ZFYVE28: variants seen among roughly 807,000 people sequenced by gnomAD.
ZFYVE28 encodes the protein lateral signaling target protein 2 homolog.
In ZFYVE28, 40 loss-of-function variants were observed where a neutral mutation model predicts 82.1. The observed-to-expected ratio is 0.49, with a 90% CI of 0.38 to 0.63. The LOEUF (loss-of-function observed/expected upper bound fraction) is 0.63. Among genes scored for constraint, ZFYVE28 ranks in the 30% least tolerant of loss-of-function variants. ZFYVE28 has a pLI of 0.00. For missense variants in ZFYVE28, 1,321 were observed against 1,242.1 expected, an observed-to-expected ratio of 1.06 and a Z score of -0.96; for synonymous variants, 612 against 546.1, an observed-to-expected ratio of 1.12 and a Z score of -1.68.
In ZFYVE28 at chr4:2,355,248, ATATATATATATATATATATATAT is replaced by A. The variant is rs1489257232; in HGVS notation, c.40-1198_40-1176del. Among the ~76,000 whole-genome samples, 101 of 21,766 alleles carry A rather than the reference ATATATATATATATATATATATAT, an allele frequency of 4.6e-3. 20 individuals are homozygous for A. Among genetic ancestry groups the A allele is most frequent in the African/African-American group, 0.023 (88 of 3,756 alleles). The allele number at this position is 21,766 out of a possible 152,430, so 14.3% of individuals were successfully genotyped here. A position where few individuals can be genotyped will look rare whatever the true frequency, so the allele number is the denominator to read the frequency against. ...TATATATATATATATATATATATAT[ATATATATATATATATATATATAT>A]AATGATTCTTCTTTTTTTTTTTTTT... On this transcript the variant is annotated intron_variant, in intron 1 of 12. Transcript: ENST00000290974.
At chr4:2,385,179 T>C (rs1262608589) in intron 1 of ZFYVE28, among the ~76,000 whole-genome samples, 1 of 152,198 alleles carries the variant, frequency 6.6e-6, no homozygotes, top group Non-Finnish European at 1.5e-5. Flanking sequence ...CCCGCACTGC[T>C]GCCACCCCTT....
At chr4:2,395,395 G>T (rs905664862) in intron 1 of ZFYVE28, among the ~76,000 whole-genome samples, 1 of 152,244 alleles carries the variant, frequency 6.6e-6, no homozygotes, top group African/African-American at 2.4e-5. Context: ...CTTTCGCGCA[G>T]ACAGCACTGC....
At chr4:2,390,381 G>A (rs1212617705) in intron 1 of ZFYVE28, among the ~76,000 whole-genome samples, 1 of 152,166 alleles carries the variant, frequency 6.6e-6, no homozygotes, top group Non-Finnish European at 1.5e-5. Context: ...ATTTGTTGGT[G>A]ACGGCCACAG....
intron 8 of ZFYVE28, among the ~76,000 whole-genome samples, chr4:2,293,099 TA>T (rs10711535): frequency 0.57 from 83,558 of 146,426 alleles, 23,839 homozygotes; most frequent in Admixed American, 0.6. Flanking sequence ...TGTTCTTGAT[TA>T]AAAAAAAAAA....
rs1344678296 is a variant in ZFYVE28, at chr4:2,409,820, G to A, written c.39+8465C>T. ...TTCACGCTGTCTTCTGGAAGCCCCA[G>A]GACAAGGGCCCTGCCAGCAGCACAG... On this transcript the variant is annotated intron_variant, in intron 1 of 12. Transcript: ENST00000290974. This position sits in a 1 kb window ranked among gnomAD's most constrained non-coding sequence, Gnocchi z 4.4. Among the ~76,000 whole-genome samples the A allele has an allele frequency of 6.6e-6, 1 of 152,226 alleles. No individual in the cohort carries two copies. The highest frequency in any genetic ancestry group is 1.5e-5 in the Non-Finnish European group (1 of 68,038).
intron 8 of ZFYVE28, among the ~76,000 whole-genome samples, chr4:2,290,609 C>G (rs35174183): frequency 0.57 from 87,130 of 152,134 alleles, 25,466 homozygotes; most frequent in Admixed American, 0.64. Context: ...TGCCCCCTGG[C>G]CCCAGAGCAG....
intron 4 of ZFYVE28, among the ~76,000 whole-genome samples, chr4:2,338,820 T>C (rs991448736): frequency 2.6e-5 from 4 of 152,050 alleles, no homozygotes; most frequent in Non-Finnish European, 4.4e-5. Flanking sequence ...CCGTGTTTTG[T>C]TTGTTGTGGT....
At chr4:2,308,684 AAAG>A (rs1307453245) in intron 7 of ZFYVE28, among the ~76,000 whole-genome samples, 692 of 13,058 alleles carry the variant, frequency 0.053, 7 homozygotes, top group Middle Eastern at 0.25. Flanking sequence ...AAAGAGAAAG[AAAG>A]AAAAGAAAAG....
In ZFYVE28 at chr4:2,341,369, G is replaced by T; in HGVS notation, c.318+109C>A. ...ACCCAGAGTGGACGGAGCTCTTGGA[G>T]GAGACACCAGGTCCCGGCACCTGCA... On this transcript the variant is annotated intron_variant, in intron 3 of 12. Coordinates refer to ENST00000290974, the MANE Select transcript of ZFYVE28 (RefSeq NM_020972.3). This position sits in a 1 kb window ranked among gnomAD's most constrained non-coding sequence, Gnocchi z 4.5. 1 of 1,450,720 alleles carries T rather than the reference G, an allele frequency of 6.9e-7. No individual in the cohort carries two copies. The highest frequency in any genetic ancestry group is 9.4e-7 in the Non-Finnish European group (1 of 1,065,438). The allele number at this position is 1,450,720 out of a possible 1,614,324, so 89.9% of individuals were successfully genotyped here.
At chr4:2,401,872 G>A (rs1349415139) in intron 1 of ZFYVE28, among the ~76,000 whole-genome samples, 2 of 152,138 alleles carry the variant, frequency 1.3e-5, no homozygotes, top group African/African-American at 4.8e-5. Flanking sequence ...TCCTCTCCTC[G>A]AGCCTCTCAT....
chr4:2,399,257 G>A (rs988445222), intron 1 of ZFYVE28, among the ~76,000 whole-genome samples: 12 of 151,912 alleles, frequency 7.9e-5, no homozygotes, highest in African/African-American at 2.9e-4. Context: ...GCCCTGCATT[G>A]GGGGGTGCAG....
chr4:2,302,533 G>C (rs978449688), intron 8 of ZFYVE28, among the ~76,000 whole-genome samples: 1 of 152,238 alleles, frequency 6.6e-6, no homozygotes, highest in Non-Finnish European at 1.5e-5. Flanking sequence ...CAGCTGCCTG[G>C]ATGCCAACTG....
rs1263465278 is a variant in ZFYVE28, at chr4:2,354,029, C to T, written c.84G>A (p.Glu28=). Residue 28 remains glutamate (E), a synonymous_variant, in exon 2 of 13, where the codon GAG becomes GAA. Coordinates refer to ENST00000290974, the MANE Select transcript of ZFYVE28 (RefSeq NM_020972.3). The part of the protein sequence containing the change: ...QLLARFYYAD[E]ELNQVAAELD... ...GCTCCGCGGCCACCTGGTTCAGCTCCTCGTCGGCATAGTAGAACCGGGCAA... is the reference window on the plus strand; with the variant it reads ...GCTCCGCGGCCACCTGGTTCAGCTCTTCGTCGGCATAGTAGAACCGGGCAA... 1 of 1,580,022 alleles carries T rather than the reference C, an allele frequency of 6.3e-7. No homozygotes were observed.
chr4:2,360,529 C>T (rs1726006249), intron 1 of ZFYVE28, among the ~76,000 whole-genome samples: 1 of 151,992 alleles, frequency 6.6e-6, no homozygotes, highest in Non-Finnish European at 1.5e-5. Context: ...GAGGAAGAGG[C>T]CAAGTTTCCC....
At chr4:2,401,832 C>T (rs1476573872) in intron 1 of ZFYVE28, among the ~76,000 whole-genome samples, 1 of 152,182 alleles carries the variant, frequency 6.6e-6, no homozygotes, top group Non-Finnish European at 1.5e-5. Flanking sequence ...CCAGTGGTAG[C>T]GGGGGTCCCG....
At chr4:2,330,743 A>G (rs1389075425) in intron 6 of ZFYVE28, 2 of 1,474,680 alleles carry the variant, frequency 1.4e-6, no homozygotes, top group Middle Eastern at 2.3e-4. Flanking sequence ...AAAAGGGGAC[A>G]GTGCGGGGGA....
Position 2,302,248 on chromosome 4 carries a change from C to A in ZFYVE28, c.2051+2041G>T, listed in dbSNP as rs182951366. Among the ~76,000 whole-genome samples, 44 of 152,328 alleles carry A rather than the reference C, an allele frequency of 2.9e-4. No individual in the cohort carries two copies. In the East Asian group the frequency reaches 6.6e-3, roughly 23 times the overall value. On this transcript the variant is annotated intron_variant, in intron 8 of 12. Transcript: ENST00000290974. ...ATTCTTCAACTGTTCCCTTTGGGGG[C>A]AGGGGAGAAAAAGGTTCCTTCAGAC...
rs1578454230 is a variant in ZFYVE28 at position 2,418,509 on chromosome 4, G to T, written c.-186C>A. 4.4e-6 allele frequency: 1 copy of T among 227,288 alleles called. No homozygotes were observed. Among genetic ancestry groups the T allele is most frequent in the South Asian group, 1.6e-4 (1 of 6,176 alleles). 14.1% of individuals were successfully genotyped at this position (227,288 alleles called of 1,614,324 possible). A position where few individuals can be genotyped will look rare whatever the true frequency, so the allele number is the denominator to read the frequency against. On this transcript the variant is annotated 5_prime_UTR_variant, in exon 1 of 13. Transcript: ENST00000290974. The surrounding 1 kb of genome is among the most constrained non-coding windows in gnomAD (Gnocchi z 4.6). ...GGCAGGTGCGCGGGGCAGGTGCGCG[G>T]CCCTGAGTATGCTCTGCAAGCGGCG...
chr4:2,280,435 G>A (rs572671592), intron 8 of ZFYVE28, among the ~76,000 whole-genome samples: 1 of 152,122 alleles, frequency 6.6e-6, no homozygotes, highest in Non-Finnish European at 1.5e-5. Context: ...TTGAGCCCAG[G>A]AGTTCAAGGG....
Sources: allele counts gnomAD v4.1 joint callset (sites outside exome capture counted in the v4.1 genomes callset), GRCh38; gene constraint gnomAD v4.1.1; non-coding constraint Gnocchi (gnomAD v3.1); transcripts MANE v1.5; gene names NCBI Gene and HGNC (gene_info 2026-07-23, HGNC 2026-07-21).